CSMD3: variants seen among roughly 807,000 people sequenced by gnomAD.
CSMD3 encodes CUB and Sushi multiple domains 3.
In CSMD3, 177 loss-of-function variants were observed where a neutral mutation model predicts 435.2. The observed-to-expected ratio is 0.41, with a 90% CI of 0.36 to 0.46. The LOEUF is 0.46. CSMD3 is among the 20% of genes least tolerant of loss of function. The pLI is 0.34. For synonymous variants in CSMD3, 1,656 were observed against 1,520.5 expected (o/e 1.09, Z -2.07); for missense variants, 4,265 against 4,504.6 (o/e 0.95, Z 1.52).
At chr8:113,329,647 A>G (rs928393290) in intron 1 of CSMD3, among the ~76,000 whole-genome samples, 1 of 150,442 alleles carries the variant, frequency 6.6e-6, no homozygotes, top group Non-Finnish European at 1.5e-5. Flanking sequence ...ACATCCAGGA[A>G]AAATAACATA....
chr8:112,284,341 T>C (rs1346614999), intron 58 of CSMD3, among the ~76,000 whole-genome samples: 4 of 151,838 alleles, frequency 2.6e-5, no homozygotes, highest in Admixed American at 2.6e-4. Context: ...TTATAAATTA[T>C]TAAAGTAATA....
chr8:113,269,764 A>G (rs575121015), intron 3 of CSMD3, among the ~76,000 whole-genome samples: 1 of 152,174 alleles, frequency 6.6e-6, no homozygotes, highest in Non-Finnish European at 1.5e-5. Context: ...AGCCATATGT[A>G]GAAAGCTGAA....
chr8:113,185,223 G>GT (rs1189145240), intron 3 of CSMD3, among the ~76,000 whole-genome samples: 22 of 152,026 alleles, frequency 1.4e-4, no homozygotes, highest in Non-Finnish European at 2.6e-4. Context: ...TTGTGTGTTT[G>GT]TTTTTTCTTT....
At chr8:113,385,254 T>C (rs2094434445) in intron 1 of CSMD3, among the ~76,000 whole-genome samples, 1 of 152,134 alleles carries the variant, frequency 6.6e-6, no homozygotes, top group African/African-American at 2.4e-5. Flanking sequence ...CTTCAAACTT[T>C]GTATTCTCAG....
intron 1 of CSMD3, among the ~76,000 whole-genome samples, chr8:113,355,749 T>TATACACACACAC (rs1357514892): frequency 8.6e-5 from 7 of 81,324 alleles, no homozygotes; most frequent in African/African-American, 3.9e-4. Flanking sequence ...TATATATATA[T>TATACACACACAC]ACACACACAC....
chr8:112,548,105 T>C (rs947215726), intron 27 of CSMD3, among the ~76,000 whole-genome samples: 3 of 152,188 alleles, frequency 2.0e-5, no homozygotes, highest in Non-Finnish European at 4.4e-5. Context: ...AGAAACTAGA[T>C]GACTTTAGAT....
At chr8:113,341,903 G>GA (rs1306458106) in intron 1 of CSMD3, among the ~76,000 whole-genome samples, 3 of 152,026 alleles carry the variant, frequency 2.0e-5, no homozygotes, top group Admixed American at 6.6e-5. Context: ...TCTTGATGGT[G>GA]AAAAAATACA....
rs1201241325 is a variant in CSMD3 at position 112,955,036 on chromosome 8, T to A, written c.1343-275A>T. ...TTTTTAAACTGTCCAGATTTTTATA[T>A]AAAAGTGAAATCTTAGCAGTTTATG... On this transcript the variant is annotated intron_variant, in intron 7 of 70. Coordinates refer to ENST00000297405, the MANE Select transcript of CSMD3 (RefSeq NM_198123.2). 4.0e-5 allele frequency among the ~76,000 whole-genome samples: 6 copies of A among 151,608 alleles called. No homozygotes were observed. In the South Asian group the frequency reaches 6.2e-4, roughly 16 times the overall value.
chr8:113,246,133 A>G (rs56191500), intron 3 of CSMD3, among the ~76,000 whole-genome samples: 2,232 of 151,988 alleles, frequency 0.015, 29 homozygotes, highest in Non-Finnish European at 0.019. Context: ...AGAATTCAGA[A>G]AGTTATTTTT....
At chr8:113,205,469 T>C (rs2092760376) in intron 3 of CSMD3, among the ~76,000 whole-genome samples, 1 of 152,126 alleles carries the variant, frequency 6.6e-6, no homozygotes, top group Admixed American at 6.6e-5. Flanking sequence ...ATTTGTAGAC[T>C]AGGAGCAATA....
chr8:112,902,031 A>ACCCCT (rs2082119836), intron 10 of CSMD3, among the ~76,000 whole-genome samples: 1 of 151,306 alleles, frequency 6.6e-6, no homozygotes, highest in Non-Finnish European at 1.5e-5. Context: ...TGTCAAAGAA[A>ACCCCT]TTCTCCCAAG....
intron 32 of CSMD3, among the ~76,000 whole-genome samples, chr8:112,451,336 T>C (rs1311583158): frequency 1.3e-5 from 2 of 152,180 alleles, no homozygotes; most frequent in South Asian, 2.1e-4. Flanking sequence ...CACGTGTTTT[T>C]AAAAGATTAT....
At chr8:112,499,198 T>C (rs1248443020) in intron 30 of CSMD3, among the ~76,000 whole-genome samples, 2 of 151,400 alleles carry the variant, frequency 1.3e-5, no homozygotes, top group Non-Finnish European at 2.9e-5. Context: ...AAAACAAATA[T>C]GAAGCAAAAA....
intron 45 of CSMD3, among the ~76,000 whole-genome samples, chr8:112,329,322 A>G (rs777276856): frequency 7.2e-5 from 11 of 152,164 alleles, no homozygotes; most frequent in Non-Finnish European, 1.5e-4. Flanking sequence ...GCATAATCAG[A>G]AAACAAGAAC....
chr8:112,434,607 A>C (rs1027552273), intron 32 of CSMD3, among the ~76,000 whole-genome samples: 11 of 152,168 alleles, frequency 7.2e-5, no homozygotes, highest in African/African-American at 2.7e-4. Context: ...AGAAGAGAGA[A>C]GAAAACAAAA....
intron 27 of CSMD3, among the ~76,000 whole-genome samples, chr8:112,525,961 C>G (rs1015485965): frequency 1.7e-4 from 24 of 143,004 alleles, no homozygotes; most frequent in African/African-American, 6.1e-4. Flanking sequence ...CAAGTCAAGG[C>G]ATACTAAAAT....
intron 3 of CSMD3, among the ~76,000 whole-genome samples, chr8:113,174,322 G>A (rs550157952): frequency 3.3e-5 from 5 of 152,072 alleles, no homozygotes; most frequent in African/African-American, 1.2e-4. Flanking sequence ...CTTAAACCAT[G>A]AACCTAGATA....
intron 57 of CSMD3, among the ~76,000 whole-genome samples, chr8:112,288,635 C>T (rs907192311): frequency 1.3e-4 from 20 of 151,670 alleles, no homozygotes; most frequent in African/African-American, 4.6e-4. Context: ...AGCACAATAT[C>T]TGGTTGATGG....
chr8:113,174,090 T>C (rs1457440749), intron 3 of CSMD3, among the ~76,000 whole-genome samples, 174 bp from the exon 4 acceptor site: 2 of 152,192 alleles, frequency 1.3e-5, no homozygotes, highest in Admixed American at 1.3e-4. Flanking sequence ...GGAAGAAAAC[T>C]AAACCTTATC....
Sources: gnomAD v4.1 joint callset for allele counts (sites outside exome capture counted in the v4.1 genomes callset) on GRCh38, gnomAD v4.1.1 for gene constraint, MANE v1.5 for transcripts, NCBI Gene and HGNC (gene_info 2026-07-23, HGNC 2026-07-21) for gene names.